The following PCDHGB1 variants were observed in gnomAD, a reference collection of about 807,000 sequenced individuals.
PCDHGB1 encodes protocadherin gamma subfamily B, 1, also known as protocadherin gamma-B1.
In PCDHGB1, 34 loss-of-function variants were observed where a neutral mutation model predicts 56.6. The ratio of observed to expected loss-of-function variants is 0.60; its 90% CI spans 0.46 to 0.80. PCDHGB1 has a LOEUF of 0.80. PCDHGB1 is among the 30% of genes least tolerant of loss of function. The probability of loss-of-function intolerance (pLI) is 0.00; values close to 1 mark genes in which losing one functional copy is unlikely to be tolerated. For synonymous variants in PCDHGB1, 561 were observed against 505.9 expected, an observed-to-expected ratio of 1.11 and a Z score of -1.46; for missense variants, 1,278 against 1,204.6, an observed-to-expected ratio of 1.06 and a Z score of -0.90.
chr5:141,403,984 A>C, intron 1 of PCDHGB1: 1 of 1,613,892 alleles, frequency 6.2e-7, no homozygotes, highest in South Asian at 1.1e-5. Flanking sequence ...ATGACAATAG[A>C]CCTGAAGTGA....
intron 1 of PCDHGB1, among the ~76,000 whole-genome samples, chr5:141,447,640 G>A (rs184184100): frequency 6.6e-6 from 1 of 152,198 alleles, no homozygotes; most frequent in Admixed American, 6.5e-5. Flanking sequence ...TATGAATGAT[G>A]GTAGAATTTT....
chr5:141,362,163 C>A, intron 1 of PCDHGB1: 1 of 1,614,056 alleles, frequency 6.2e-7, no homozygotes, highest in East Asian at 2.2e-5. Flanking sequence ...CAGACCTCAG[C>A]GACCGCCGGG....
At chr5:141,393,589 C>T (rs1050679940) in intron 1 of PCDHGB1, 2 of 1,613,920 alleles carry the variant, frequency 1.2e-6, no homozygotes, top group Non-Finnish European at 1.7e-6. Flanking sequence ...CCCCCAGGCA[C>T]GCGGCTGCTT....
intron 1 of PCDHGB1, chr5:141,362,686 T>G: frequency 8.8e-7 from 1 of 1,140,560 alleles, no homozygotes; most frequent in Non-Finnish European, 1.2e-6. Flanking sequence ...TGTCTTAATC[T>G]TATCTAACTG....
chr5:141,504,180 A>G (rs1195970606), intron 2 of PCDHGB1, among the ~76,000 whole-genome samples: 1 of 152,236 alleles, frequency 6.6e-6, no homozygotes, highest in Non-Finnish European at 1.5e-5. Context: ...ATTCAAAAAA[A>G]TCATGAAAAT....
intron 2 of PCDHGB1, among the ~76,000 whole-genome samples, chr5:141,500,189 TTTATTTATTTA>T (rs1562193895): frequency 9.9e-5 from 11 of 110,956 alleles, no homozygotes; most frequent in Middle Eastern, 4.3e-3. Flanking sequence ...TTTATTTTTA[TTTATTTATTTA>T]TTTATTTATT....
rs568314069 is a variant in PCDHGB1 at position 141,486,371 on chromosome 5, G to C, written c.2410-8436G>C. 53 of 1,614,138 alleles carry C rather than the reference G, an allele frequency of 3.3e-5. 2 individuals are homozygous for C. The South Asian group carries it at 5.3e-4, about 16-fold the overall frequency. Reference sequence around the variant, plus strand: ...CCACTTGCCATTTGCCCTCAAGTCTGCCTTCAGGAACCAGTTCTCCCTGGT... The same window carrying C: ...CCACTTGCCATTTGCCCTCAAGTCTCCCTTCAGGAACCAGTTCTCCCTGGT... On this transcript the variant is annotated intron_variant, in intron 1 of 3. Transcript: ENST00000523390. The surrounding 1 kb of genome is among the most constrained non-coding windows in gnomAD (Gnocchi z 5.0).
At chr5:141,361,920 C>A (rs756760762) in intron 1 of PCDHGB1, 5 of 1,607,942 alleles carry the variant, frequency 3.1e-6, no homozygotes. Flanking sequence ...TGGCGGTGGA[C>A]GCAGACTCAG....
At position 141,414,245 on chromosome 5, in the gene PCDHGB1, T is replaced by G. The variant is rs760119941; in HGVS notation, c.2409+61576T>G. On this transcript the variant is annotated intron_variant, in intron 1 of 3. Transcript: ENST00000523390. ...CCAGAGCTGACCATCACGTCTCTAT[T>G]TAGTCCAGTGACTGAAGATTCACCT... 49 of 1,613,380 alleles carry G rather than the reference T, an allele frequency of 3.0e-5. 1 individual carries two copies. The highest frequency in any genetic ancestry group is 1.3e-4 in the South Asian group (12 of 90,978).
At chr5:141,452,017 C>T (rs181614467) in intron 1 of PCDHGB1, among the ~76,000 whole-genome samples, 10 of 152,344 alleles carry the variant, frequency 6.6e-5, no homozygotes, top group Non-Finnish European at 1.2e-4. Flanking sequence ...CCAGCCCACA[C>T]TCTGGGGAGA....
intron 1 of PCDHGB1, among the ~76,000 whole-genome samples, chr5:141,442,917 G>A (rs1041756930): frequency 6.6e-6 from 1 of 152,178 alleles, no homozygotes; most frequent in Non-Finnish European, 1.5e-5. Context: ...GCACACAACT[G>A]TTTCATTTTC....
intron 1 of PCDHGB1, among the ~76,000 whole-genome samples, chr5:141,446,686 C>T (rs574630887): frequency 1.3e-5 from 2 of 152,294 alleles, no homozygotes; most frequent in African/African-American, 4.8e-5. Context: ...CCATATTGGC[C>T]AGGCTGGTCT....
At chr5:141,410,029 G>T (rs2095350230) in intron 1 of PCDHGB1, 15 of 1,613,274 alleles carry the variant, frequency 9.3e-6, no homozygotes, top group Non-Finnish European at 1.3e-5. Context: ...ACCACGTGCT[G>T]CAGGCCAGTG....
Position 141,485,486 on chromosome 5 carries a change from C to A in PCDHGB1, c.2410-9321C>A. On this transcript the variant is annotated intron_variant, in intron 1 of 3. Transcript: ENST00000523390. This position sits in a 1 kb window ranked among gnomAD's most constrained non-coding sequence, Gnocchi z 5.7. Reference sequence around the variant, plus strand: ...TGGGCTCAGTGCCAGCTGCATCGTGCCCCTGGAGTTTGTCACCGAAGGTCC... The same window carrying A: ...TGGGCTCAGTGCCAGCTGCATCGTGACCCTGGAGTTTGTCACCGAAGGTCC... 6.2e-7 allele frequency: 1 copy of A among 1,614,104 alleles called. No individual in the cohort carries two copies.
rs376101780 is a variant in PCDHGB1, at chr5:141,485,901, A to G, written c.2410-8906A>G. 3 of 1,614,026 alleles carry G rather than the reference A, an allele frequency of 1.9e-6. No homozygotes were observed. In the African/African-American group the frequency reaches 4.0e-5, roughly 22 times the overall value. Reference sequence around the variant, plus strand: ...GTAAACGACAACGCCCCAGCCTTCCAGCAATCCAGCTACAGGATTAGTGTG... The same window carrying G: ...GTAAACGACAACGCCCCAGCCTTCCGGCAATCCAGCTACAGGATTAGTGTG... On this transcript the variant is annotated intron_variant, in intron 1 of 3. Coordinates refer to ENST00000523390, the MANE Select transcript of PCDHGB1 (RefSeq NM_018922.3). This position sits in a 1 kb window ranked among gnomAD's most constrained non-coding sequence, Gnocchi z 5.7.
Position 141,350,652 on chromosome 5 carries a change from T to C in PCDHGB1, c.392T>C (p.Val131Ala), listed in dbSNP as rs755738484. 6.2e-7 allele frequency: 1 copy of C among 1,614,044 alleles called. No individual in the cohort carries two copies. The change falls in exon 1 of 4, where the codon GTT (valine) becomes GCT (alanine). Residue 131 changes from valine to alanine, a missense_variant. Physicochemically the swap from Val to Ala is moderately conservative, Grantham distance 64 (BLOSUM62 0). Transcript: ENST00000523390. Reference sequence around the variant, plus strand: ...ATTAATGACAATGCACCACGTTTCGTTGCAAAAGGCATTGACTTAGAAATT... The same window carrying C: ...ATTAATGACAATGCACCACGTTTCGCTGCAAAAGGCATTGACTTAGAAATT... ...QDINDNAPRF[V>A]AKGIDLEICE...
At chr5:141,372,411 C>G (rs1768748655) in intron 1 of PCDHGB1, 1 of 1,614,080 alleles carries the variant, frequency 6.2e-7, no homozygotes, top group East Asian at 2.2e-5. Context: ...AGAGATACAA[C>G]CTGACCTTAG....
At chr5:141,392,851 T>C in intron 1 of PCDHGB1, 1 of 1,611,148 alleles carries the variant, frequency 6.2e-7, no homozygotes, top group Non-Finnish European at 8.5e-7. Context: ...CGCGGCGAGC[T>C]GATCCTGCTG....
At chr5:141,368,548 T>A (rs867089614) in intron 1 of PCDHGB1, among the ~76,000 whole-genome samples, 20 of 152,266 alleles carry the variant, frequency 1.3e-4, no homozygotes, top group African/African-American at 3.6e-4. Context: ...CCATTTTTTT[T>A]AAAAGAAAAT....
Sources: allele counts gnomAD v4.1 joint callset (sites outside exome capture counted in the v4.1 genomes callset), GRCh38; gene constraint gnomAD v4.1.1; non-coding constraint Gnocchi (gnomAD v3.1); transcripts MANE v1.5; gene names NCBI Gene and HGNC (gene_info 2026-07-23, HGNC 2026-07-21).